The following SMCO4 variants were observed in gnomAD, a reference collection of about 807,000 sequenced individuals.
The protein encoded by SMCO4 is single-pass membrane and coiled-coil domain-containing protein 4.
SMCO4 carries 4 observed loss-of-function variants against 3.6 expected under a neutral mutation model. That is an observed-to-expected ratio of 1.11 (90% CI 0.54 to 2.53). The LOEUF (loss-of-function observed/expected upper bound fraction) is 2.53, where lower values mean the gene tolerates loss of function less well. SMCO4 is among the 30% of genes most tolerant of loss of function. The pLI is 0.02. For missense variants in SMCO4, 70 were observed against 80.8 expected (o/e 0.87, Z 0.51); for synonymous variants, 36 against 35.3 (o/e 1.02, Z -0.07).
rs568218425 is a variant in SMCO4 at position 93,535,451 on chromosome 11, C to T, written c.-154+7825G>A. 225 of 1,350,546 alleles carry T rather than the reference C, an allele frequency of 1.7e-4. 1 individual carries two copies. The African/African-American group carries it at 2.9e-3, about 18-fold the overall frequency. 83.7% of individuals were successfully genotyped at this position (1,350,546 alleles called of 1,614,324 possible). A position where few individuals can be genotyped will look rare whatever the true frequency, so the allele number is the denominator to read the frequency against. On this transcript the variant is annotated intron_variant, in intron 1 of 2. Coordinates refer to ENST00000298966, the MANE Select transcript of SMCO4 (RefSeq NM_020179.3). ...TGCTAGGGGCTTAAGCAGAGGGAGT[C>T]GAGCCAGAGTCGCCGCGATGGTGTT...
chr11:93,548,864 C>A, the SMCO4 span, among the ~76,000 whole-genome samples: 1 of 152,130 alleles, frequency 6.6e-6, no homozygotes, highest in Non-Finnish European at 1.5e-5. Context: ...GGCTTAAATA[C>A]CCTCTAGAGG....
intron 1 of SMCO4, among the ~76,000 whole-genome samples, chr11:93,511,554 G>C (rs1948957265): frequency 6.6e-6 from 1 of 152,240 alleles, no homozygotes; most frequent in East Asian, 1.9e-4. Flanking sequence ...TACCTAACTT[G>C]AACATCCCAA....
At chr11:93,480,555 A>G (rs766924450) in intron 2 of SMCO4, among the ~76,000 whole-genome samples, 19 of 152,196 alleles carry the variant, frequency 1.2e-4, no homozygotes, top group Non-Finnish European at 1.8e-4. Context: ...TATCAGGGCT[A>G]TATCAAAGGC....
intron 2 of SMCO4, 73 bp downstream of exon 2, chr11:93,499,203 G>A (rs1425067861): frequency 6.6e-6 from 1 of 152,200 alleles, no homozygotes; most frequent in African/African-American, 2.4e-5. Context: ...CACAAAACTA[G>A]GCATATGAGA....
At chr11:93,502,213 T>C (rs934412200) in intron 1 of SMCO4, among the ~76,000 whole-genome samples, 1 of 152,134 alleles carries the variant, frequency 6.6e-6, no homozygotes, top group Admixed American at 6.5e-5. Context: ...CCTCATCCCA[T>C]CAAATGCTCA....
At chr11:93,514,217 G>A (rs374690387) in intron 1 of SMCO4, among the ~76,000 whole-genome samples, 1 of 151,888 alleles carries the variant, frequency 6.6e-6, no homozygotes, top group East Asian at 1.9e-4. Flanking sequence ...ATCACTGAGG[G>A]CTATAGGCCA....
intron 2 of SMCO4, among the ~76,000 whole-genome samples, chr11:93,495,240 G>A (rs889396405): frequency 1.3e-5 from 2 of 151,848 alleles, no homozygotes; most frequent in South Asian, 4.2e-4. Context: ...CTATCACAAC[G>A]CTCATCACAC....
At chr11:93,526,300 T>A (rs1289021295) in intron 1 of SMCO4, among the ~76,000 whole-genome samples, 1 of 144,378 alleles carries the variant, frequency 6.9e-6, no homozygotes. Context: ...AAATATTTGC[T>A]AAAAAAAAAA....
At chr11:93,548,312 G>A (rs1949327114), upstream of SMCO4, among the ~76,000 whole-genome samples, 1 of 152,186 alleles carries the variant, frequency 6.6e-6, no homozygotes, top group African/African-American at 2.4e-5. Context: ...ATAAAAAGTT[G>A]ACAGCCTCAG....
chr11:93,504,960 C>T (rs2134602714), intron 1 of SMCO4, among the ~76,000 whole-genome samples: 1 of 152,286 alleles, frequency 6.6e-6, no homozygotes, highest in African/African-American at 2.4e-5. Flanking sequence ...TAGGGTTTGT[C>T]TTTCAGTCCA....
chr11:93,491,860 C>A (rs924027408), intron 2 of SMCO4, among the ~76,000 whole-genome samples: 1 of 152,152 alleles, frequency 6.6e-6, no homozygotes, highest in African/African-American at 2.4e-5. Flanking sequence ...CAGGTGTGGG[C>A]TAACAGCCCC....
In SMCO4 at chr11:93,481,381, G is replaced by A. The variant is rs886489599; in HGVS notation, c.-80-2112C>T. On this transcript the variant is annotated intron_variant, in intron 2 of 2. Transcript: ENST00000298966. ...CCATACCCGTGGGCGGCCCAGGGAC[G>A]GGTGCACTGAGCTCCTCTAAGCCTG... 3.5e-5 allele frequency: 34 copies of A among 971,208 alleles called. No individual in the cohort carries two copies. In the South Asian group the frequency reaches 9.0e-4, roughly 26 times the overall value. 60.2% of individuals were successfully genotyped at this position (971,208 alleles called of 1,614,324 possible).
chr11:93,481,980 A>G (rs1002518589), intron 2 of SMCO4, among the ~76,000 whole-genome samples: 1 of 152,222 alleles, frequency 6.6e-6, no homozygotes, highest in Non-Finnish European at 1.5e-5. Context: ...GTTGACATTC[A>G]AAGGCCCCAG....
At chr11:93,493,545 C>T (rs1330723240) in intron 2 of SMCO4, among the ~76,000 whole-genome samples, 2 of 152,216 alleles carry the variant, frequency 1.3e-5, no homozygotes, top group East Asian at 1.9e-4. Context: ...AGCATCTCCA[C>T]CCAGATGCCT....
chr11:93,539,912 G>C (rs1218294314), intron 1 of SMCO4, among the ~76,000 whole-genome samples: 1 of 148,992 alleles, frequency 6.7e-6, no homozygotes, highest in Non-Finnish European at 1.5e-5. Flanking sequence ...CTTCCAGCTA[G>C]AACCCCCTGA....
intron 1 of SMCO4, among the ~76,000 whole-genome samples, chr11:93,541,343 A>G (rs1949269511): frequency 6.6e-6 from 1 of 152,190 alleles, no homozygotes; most frequent in African/African-American, 2.4e-5. Context: ...GCCTTTTACT[A>G]CACTCATCTG....
At chr11:93,533,982 T>C (rs1177953330) in intron 1 of SMCO4, among the ~76,000 whole-genome samples, 1 of 151,608 alleles carries the variant, frequency 6.6e-6, no homozygotes, top group Admixed American at 6.6e-5. Context: ...AAGTCCAGGG[T>C]TCAAGACCAG....
chr11:93,485,813 T>TATAA (rs570781280), intron 2 of SMCO4, among the ~76,000 whole-genome samples: 188 of 152,326 alleles, frequency 1.2e-3, no homozygotes, highest in Middle Eastern at 6.8e-3. Flanking sequence ...AGCTGCCATT[T>TATAA]ATAAATACTT....
chr11:93,480,304 C>T (rs1948576664), intron 2 of SMCO4, among the ~76,000 whole-genome samples: 1 of 152,192 alleles, frequency 6.6e-6, no homozygotes. Context: ...TGCATCACCA[C>T]CGTCAGCACT....
Sources: allele counts gnomAD v4.1 joint callset (sites outside exome capture counted in the v4.1 genomes callset), GRCh38; gene constraint gnomAD v4.1.1; transcripts MANE v1.5; gene names NCBI Gene and HGNC (gene_info 2026-07-23, HGNC 2026-07-21).